Variants in USP28 observed in about 807,000 individuals in gnomAD.
USP28 encodes the protein ubiquitin specific peptidase 28.
Under a neutral mutation model 145.0 loss-of-function variants are expected in USP28, and 113 were observed. That is an observed-to-expected ratio of 0.78 (90% CI 0.67 to 0.91). The LOEUF (loss-of-function observed/expected upper bound fraction) is 0.91. Ranked by LOEUF, USP28 falls within the 40% of genes least tolerant of loss-of-function variation. The pLI is 0.00. For missense variants in USP28, 1,201 were observed against 1,289.6 expected, an observed-to-expected ratio of 0.93 and a Z score of 1.05; for synonymous variants, 447 against 450.9, an observed-to-expected ratio of 0.99 and a Z score of 0.11.
intron 1 of USP28, chr11:113,874,709 T>C (rs911250585): frequency 1.7e-6 from 2 of 1,205,364 alleles, no homozygotes; most frequent in Non-Finnish European, 2.1e-6. Context: ...TCTTCCCAAG[T>C]TTCTTCATAC....
At chr11:113,829,167 T>C in intron 10 of USP28, 30 bp downstream of exon 10, 1 of 1,606,846 alleles carries the variant, frequency 6.2e-7, no homozygotes, top group Non-Finnish European at 8.5e-7. Context: ...GCTTTGTCAC[T>C]GGCACAGCAA....
intron 1 of USP28, among the ~76,000 whole-genome samples, chr11:113,873,644 A>G (rs1949041075): frequency 6.6e-6 from 1 of 152,224 alleles, no homozygotes; most frequent in Non-Finnish European, 1.5e-5. Flanking sequence ...AATCAATATG[A>G]TAGTCTCCAA....
intron 1 of USP28, among the ~76,000 whole-genome samples, chr11:113,859,846 T>C (rs1389921680): frequency 6.6e-6 from 1 of 152,230 alleles, no homozygotes; most frequent in Non-Finnish European, 1.5e-5. Flanking sequence ...AAATTCACAT[T>C]GTTTTCACAA....
At chr11:113,817,731 C>G in exon 13 of USP28, 1 of 1,614,184 alleles carries the variant, frequency 6.2e-7, no homozygotes, top group Non-Finnish European at 8.5e-7. Flanking sequence ...GTGTCACTTT[C>G]AGGTGGACAG....
intron 3 of USP28, among the ~76,000 whole-genome samples, chr11:113,845,156 C>T (rs552565051): frequency 2.2e-4 from 33 of 147,852 alleles, no homozygotes; most frequent in Admixed American, 1.4e-3. Flanking sequence ...AAATAAAATA[C>T]GGCCAGGCAT....
intron 1 of USP28, among the ~76,000 whole-genome samples, chr11:113,861,657 T>C (rs182157906): frequency 2.4e-4 from 36 of 152,356 alleles, no homozygotes; most frequent in Non-Finnish European, 4.4e-4. Flanking sequence ...CCGACCTAGT[T>C]CTATTTCCCA....
At chr11:113,830,652 A>G (rs1216696626) in intron 9 of USP28, among the ~76,000 whole-genome samples, 2 of 152,192 alleles carry the variant, frequency 1.3e-5, no homozygotes, top group Non-Finnish European at 2.9e-5. Context: ...CAAATCTGAG[A>G]TAAAGATTGT....
At chr11:113,867,375 T>G (rs1024227051) in intron 1 of USP28, among the ~76,000 whole-genome samples, 2 of 152,010 alleles carry the variant, frequency 1.3e-5, no homozygotes, top group African/African-American at 4.8e-5. Context: ...CAAGTGATTC[T>G]CCTGCCTCAG....
chr11:113,806,097 TAA>T (rs34431962), intron 19 of USP28, among the ~76,000 whole-genome samples: 54 of 147,228 alleles, frequency 3.7e-4, no homozygotes, highest in Non-Finnish European at 4.3e-4. Context: ...CCCAGCTAAT[TAA>T]AAAAAAAAAA....
At chr11:113,836,278 TAGTA>T (rs1251441271) in intron 5 of USP28, among the ~76,000 whole-genome samples, 1 of 152,124 alleles carries the variant, frequency 6.6e-6, no homozygotes, top group Non-Finnish European at 1.5e-5. Flanking sequence ...CATTCACATC[TAGTA>T]AGTAACAAGT....
intron 3 of USP28, among the ~76,000 whole-genome samples, chr11:113,844,440 T>C (rs7122325): frequency 0.52 from 78,500 of 150,546 alleles, 21,269 homozygotes; most frequent in Non-Finnish European, 0.6. Context: ...TGAGACTCCG[T>C]CTTAAAAAAA....
intron 5 of USP28, among the ~76,000 whole-genome samples, chr11:113,839,607 C>A (rs919646782): frequency 6.6e-6 from 1 of 151,920 alleles, no homozygotes. Context: ...GAAGACATTG[C>A]GCCAGGTGCA....
chr11:113,826,441 C>A (rs1164074876), intron 11 of USP28, among the ~76,000 whole-genome samples: 1 of 140,200 alleles, frequency 7.1e-6, no homozygotes, highest in African/African-American at 2.6e-5. Context: ...CACCAAGTAC[C>A]TGGGACTACA....
intron 16 of USP28, among the ~76,000 whole-genome samples, chr11:113,811,926 C>T (rs889519437): frequency 1.3e-5 from 2 of 151,582 alleles, no homozygotes; most frequent in Admixed American, 6.6e-5. Context: ...GCTAAATACT[C>T]GATTAATGAA....
chr11:113,829,419 G>A, intron 9 of USP28, 74 bp from the exon 10 acceptor site: 3 of 1,563,232 alleles, frequency 1.9e-6, no homozygotes, highest in Middle Eastern at 1.7e-4. Flanking sequence ...GCTCCACAGA[G>A]ACAACATTTT....
intron 1 of USP28, among the ~76,000 whole-genome samples, chr11:113,854,622 G>T (rs998283685): frequency 1.5e-4 from 23 of 152,158 alleles, no homozygotes; most frequent in Admixed American, 1.5e-3. Flanking sequence ...GGCTGGTCTT[G>T]ATCTGCTGAC....
At chr11:113,800,265 A>G (rs1938731495) in intron 24 of USP28, among the ~76,000 whole-genome samples, 1 of 151,940 alleles carries the variant, frequency 6.6e-6, no homozygotes, top group Non-Finnish European at 1.5e-5. Context: ...TCAGCCTCCC[A>G]AAGCGCTGGG....
chr11:113,852,732 TTTCAGGCATAA>T (rs1284608711), intron 2 of USP28, 99 bp from the exon 3 acceptor site: 1 of 1,331,788 alleles, frequency 7.5e-7, no homozygotes, highest in East Asian at 2.5e-5. Flanking sequence ...CACTGAGTAC[TTTCAGGCATAA>T]TTCTAGGGTA....
intron 18 of USP28, among the ~76,000 whole-genome samples, chr11:113,807,380 ATGAT>A (rs1432499852): frequency 1.5e-5 from 1 of 64,730 alleles, no homozygotes; most frequent in African/African-American, 4.0e-5. Context: ...AGCCTTGTCA[ATGAT>A]TTTTTTTTTT....
Sources: gnomAD v4.1 joint callset for allele counts (sites outside exome capture counted in the v4.1 genomes callset) on GRCh38, gnomAD v4.1.1 for gene constraint, MANE v1.5 for transcripts, NCBI Gene and HGNC (gene_info 2026-07-23, HGNC 2026-07-21) for gene names.